The following CACNA2D3 variants were observed in gnomAD, a reference collection of about 807,000 sequenced individuals.
The protein encoded by CACNA2D3 is calcium voltage-gated channel auxiliary subunit alpha2delta 3.
Under a neutral mutation model 160.6 loss-of-function variants are expected in CACNA2D3, and 60 were observed. The ratio of observed to expected loss-of-function variants is 0.37; its 90% CI spans 0.30 to 0.46. CACNA2D3 has a LOEUF of 0.46. CACNA2D3 is among the 20% of genes least tolerant of loss of function. The probability of loss-of-function intolerance (pLI) is 1.00; values close to 1 mark genes in which losing one functional copy is unlikely to be tolerated. For synonymous variants in CACNA2D3, 558 were observed against 492.9 expected, an observed-to-expected ratio of 1.13 and a Z score of -1.75; for missense variants, 1,205 against 1,365.0, an observed-to-expected ratio of 0.88 and a Z score of 1.85.
At chr3:54,336,028 G>C (rs1005762859) in intron 3 of CACNA2D3, among the ~76,000 whole-genome samples, 1 of 98,062 alleles carries the variant, frequency 1.0e-5, no homozygotes. Context: ...AAAAAAAAAA[G>C]ATGGAGTTTT....
intron 26 of CACNA2D3, 26 bp downstream of exon 26, chr3:54,896,896 T>G (rs368223479): frequency 8.1e-6 from 13 of 1,613,574 alleles, no homozygotes; most frequent in Non-Finnish European, 1.1e-5. Flanking sequence ...GGAGGCGGGC[T>G]CTGTCTGTCT....
chr3:54,331,369 G>T (rs1704249333), intron 3 of CACNA2D3, among the ~76,000 whole-genome samples: 2 of 152,146 alleles, frequency 1.3e-5, no homozygotes, highest in South Asian at 4.1e-4. Context: ...TGGCCCCAAG[G>T]AACATTGAGT....
intron 11 of CACNA2D3, among the ~76,000 whole-genome samples, chr3:54,686,658 A>G (rs1187142384): frequency 2.6e-5 from 4 of 152,156 alleles, no homozygotes; most frequent in Non-Finnish European, 4.4e-5. Flanking sequence ...TACATTTCCA[A>G]TGAAAGCACA....
chr3:54,543,966 T>C (rs1291589377), intron 5 of CACNA2D3, among the ~76,000 whole-genome samples: 1 of 152,124 alleles, frequency 6.6e-6, no homozygotes, highest in Non-Finnish European at 1.5e-5. Context: ...ACCTAGAAAG[T>C]TATTAATTTT....
chr3:54,194,456 C>A (rs1011716235), intron 2 of CACNA2D3, among the ~76,000 whole-genome samples: 16 of 152,152 alleles, frequency 1.1e-4, no homozygotes, highest in Admixed American at 4.6e-4. Context: ...AGCCCCAGTT[C>A]TCCCTCTTTC....
chr3:54,531,263 C>A (rs1701801884), intron 5 of CACNA2D3, among the ~76,000 whole-genome samples: 1 of 152,204 alleles, frequency 6.6e-6, no homozygotes, highest in African/African-American at 2.4e-5. Context: ...GTCTGCACAC[C>A]TGTTGGGGAT....
chr3:54,242,832 T>C (rs1240054049), intron 2 of CACNA2D3, among the ~76,000 whole-genome samples: 1 of 152,222 alleles, frequency 6.6e-6, no homozygotes, highest in Non-Finnish European at 1.5e-5. Context: ...GGGGGACTAC[T>C]AAGAAAACAT....
chr3:54,722,799 G>A (rs1389692746), intron 11 of CACNA2D3, among the ~76,000 whole-genome samples: 1 of 152,164 alleles, frequency 6.6e-6, no homozygotes, highest in Non-Finnish European at 1.5e-5. Context: ...CCAGATGCCA[G>A]CCAGAGCTCT....
chr3:54,382,933 T>C lies in CACNA2D3; in HGVS notation c.322-3782T>C, dbSNP rs183427390. Among the ~76,000 whole-genome samples, 593 of 152,312 alleles carry C rather than the reference T, an allele frequency of 3.9e-3. 3 individuals carry two copies. Among genetic ancestry groups the C allele is most frequent in the Non-Finnish European group, 5.7e-3 (391 of 68,032 alleles). Reference sequence around the variant, plus strand: ...TATAATCTTGGCTCACTGCAGCCTCTGCCTCCCAGGCTCAAGTGATCCTCC... The same window carrying C: ...TATAATCTTGGCTCACTGCAGCCTCCGCCTCCCAGGCTCAAGTGATCCTCC... On this transcript the variant is annotated intron_variant, in intron 3 of 37. Transcript: ENST00000474759.
chr3:54,812,284 A>G (rs1373376332), intron 13 of CACNA2D3, among the ~76,000 whole-genome samples: 1 of 152,228 alleles, frequency 6.6e-6, no homozygotes, highest in Non-Finnish European at 1.5e-5. Flanking sequence ...TGGTACTGAA[A>G]AAGAAAAGCA....
intron 11 of CACNA2D3, among the ~76,000 whole-genome samples, chr3:54,736,002 T>C (rs188605600): frequency 0.028 from 3,114 of 110,114 alleles, 353 homozygotes; most frequent in Non-Finnish European, 0.041. Flanking sequence ...TACATATATA[T>C]ATATGTATAT....
At chr3:54,616,561 A>G (rs1698854449) in intron 9 of CACNA2D3, among the ~76,000 whole-genome samples, 1 of 152,140 alleles carries the variant, frequency 6.6e-6, no homozygotes, top group Non-Finnish European at 1.5e-5. Context: ...GGCCCAACAC[A>G]AGGGTCTGCG....
chr3:54,562,650 G>C (rs937576759), intron 5 of CACNA2D3, 150 bp from the exon 6 acceptor site: 15 of 610,176 alleles, frequency 2.5e-5, no homozygotes, highest in African/African-American at 2.4e-4. Flanking sequence ...CACCCCAGGA[G>C]CTAAACGTTT....
At chr3:55,032,907 T>C (rs1358943592) in intron 35 of CACNA2D3, among the ~76,000 whole-genome samples, 1 of 112,182 alleles carries the variant, frequency 8.9e-6, no homozygotes, top group Non-Finnish European at 1.6e-5. Flanking sequence ...AGACGAGGTT[T>C]CCCAAGAGAA....
intron 27 of CACNA2D3, among the ~76,000 whole-genome samples, chr3:54,935,074 G>C (rs1396344221): frequency 2.6e-5 from 4 of 152,180 alleles, no homozygotes; most frequent in African/African-American, 9.7e-5. Context: ...TCATCACCTT[G>C]AACCTGTTTT....
At chr3:54,909,737 A>G (rs983820130) in intron 27 of CACNA2D3, among the ~76,000 whole-genome samples, 1 of 149,702 alleles carries the variant, frequency 6.7e-6, no homozygotes, top group Non-Finnish European at 1.5e-5. Context: ...GCCCTGCAAC[A>G]TTTACAAGTC....
At chr3:54,577,129 T>TA (rs1433102327) in intron 8 of CACNA2D3, among the ~76,000 whole-genome samples, 2 of 152,124 alleles carry the variant, frequency 1.3e-5, no homozygotes, top group Non-Finnish European at 2.9e-5. Flanking sequence ...CTAAGAAAAG[T>TA]AAAAAACGGT....
At chr3:54,187,256 C>G (rs1700894391) in intron 2 of CACNA2D3, among the ~76,000 whole-genome samples, 1 of 152,136 alleles carries the variant, frequency 6.6e-6, no homozygotes, top group Non-Finnish European at 1.5e-5. Context: ...CCTGGGCTGT[C>G]TTAGATGTTA....
intron 4 of CACNA2D3, among the ~76,000 whole-genome samples, chr3:54,453,400 G>T (rs185495974): frequency 1.1e-3 from 175 of 152,232 alleles, no homozygotes; most frequent in African/African-American, 4.0e-3. Context: ...TCCAAGTAAG[G>T]TCACAATCAC....
Sources: gnomAD v4.1 joint callset for allele counts (sites outside exome capture counted in the v4.1 genomes callset) on GRCh38, gnomAD v4.1.1 for gene constraint, MANE v1.5 for transcripts, NCBI Gene and HGNC (gene_info 2026-07-23, HGNC 2026-07-21) for gene names.